The following MAMLD1 variants were observed in gnomAD, a reference collection of about 807,000 sequenced individuals.
MAMLD1 encodes mastermind like domain containing 1, also known as mastermind-like domain-containing protein 1.
A neutral mutation model predicts 45.0 loss-of-function variants in MAMLD1; 14 were observed. The observed-to-expected ratio is 0.31, with a 90% confidence interval of 0.21 to 0.49. The LOEUF is 0.49. Ranked by LOEUF, MAMLD1 falls within the 20% of genes least tolerant of loss-of-function variation. The pLI is 0.99. For missense variants in MAMLD1, 543 were observed against 603.6 expected, an observed-to-expected ratio of 0.90 and a Z score of 1.05; for synonymous variants, 254 against 247.8, an observed-to-expected ratio of 1.02 and a Z score of -0.24.
chrX:150,488,169 A>G (rs2037054901), intron 5 of MAMLD1, among the ~76,000 whole-genome samples: 1 of 112,352 alleles, frequency 8.9e-6, no homozygotes, highest in African/African-American at 3.2e-5. Context: ...TCCAGTGCCC[A>G]AGGTATCTCT....
At chrX:150,394,076 A>G (rs1426930131) in intron 1 of MAMLD1, among the ~76,000 whole-genome samples, 2 of 77,638 alleles carry the variant, frequency 2.6e-5, no homozygotes, top group Non-Finnish European at 5.0e-5. Flanking sequence ...ATTTATGTCT[A>G]TGATTCATTT....
intron 3 of MAMLD1, among the ~76,000 whole-genome samples, chrX:150,467,437 C>A (rs143215152): frequency 8.9e-6 from 1 of 111,961 alleles, no homozygotes; most frequent in East Asian, 2.8e-4. Context: ...CAGTCAGACT[C>A]CTGGGAAAGT....
At chrX:150,373,466 T>A (rs868956481) in intron 1 of MAMLD1, among the ~76,000 whole-genome samples, 132 of 103,163 alleles carry the variant, frequency 1.3e-3, no homozygotes, top group East Asian at 8.4e-3. Context: ...TCTCTCTCTC[T>A]CACACACACA....
At chrX:150,407,318 G>A (rs1210331742) in intron 1 of MAMLD1, among the ~76,000 whole-genome samples, 1 of 111,948 alleles carries the variant, frequency 8.9e-6, no homozygotes, top group Non-Finnish European at 1.9e-5. Context: ...TTCCTGCTAT[G>A]ACTGTAATGT....
intron 1 of MAMLD1, among the ~76,000 whole-genome samples, chrX:150,425,145 A>G (rs2034661176): frequency 8.9e-6 from 1 of 111,892 alleles, no homozygotes; most frequent in Admixed American, 9.5e-5. Context: ...TTACCTGATG[A>G]TAGACATTTG....
rs370987270 is a variant in MAMLD1, at chrX:150,439,979, C to T, written c.-63-5475C>T. The stretch of plus-strand genomic sequence containing the variant: ...AAAAATGGATTTATTTCTGAATTCT[C>T]AAGCCTATTTCATTGGTCTATATGT... On this transcript the variant is annotated intron_variant, in intron 1 of 7. Transcript: ENST00000370401. Among the ~76,000 whole-genome samples, 16 of 111,285 alleles carry T rather than the reference C, an allele frequency of 1.4e-4. No individual in the cohort carries two copies. The South Asian group carries it at 1.9e-3, about 13-fold the overall frequency.
chrX:150,491,562 G>C (rs1468217016), intron 5 of MAMLD1, among the ~76,000 whole-genome samples: 1 of 112,486 alleles, frequency 8.9e-6, no homozygotes, highest in African/African-American at 3.2e-5. Context: ...CTAATGACTA[G>C]AAGGTCTTTT....
chrX:150,481,208 A>G (rs1602964783), intron 5 of MAMLD1, among the ~76,000 whole-genome samples: 1 of 113,013 alleles, frequency 8.8e-6, no homozygotes, highest in East Asian at 2.8e-4. Flanking sequence ...TGATTCCATG[A>G]CCCTTTCCCT....
At chrX:150,423,389 C>T (rs868992375) in intron 1 of MAMLD1, among the ~76,000 whole-genome samples, 2 of 18,922 alleles carry the variant, frequency 1.1e-4, no homozygotes, top group African/African-American at 3.5e-4. Flanking sequence ...TGTGTGTTTG[C>T]ACCTTTGGGG....
Position 150,471,160 on chromosome X carries a change from C to T in MAMLD1, c.1587C>T (p.Ser529=). 8.3e-7 allele frequency: 1 copy of T among 1,211,950 alleles called. No homozygotes were observed. Residue 529 remains serine (S), a synonymous_variant, in exon 4 of 8, where the codon TCC becomes TCT. Transcript: ENST00000370401. Reference sequence around the variant, plus strand: ...TCATGCAGCAGGGGATGGCAAGCTCCAGCCCAGGAGCCACGGAGCCATTTA... The same window carrying T: ...TCATGCAGCAGGGGATGGCAAGCTCTAGCCCAGGAGCCACGGAGCCATTTA... ...SMIMQQGMAS[S]SPGATEPFTF...
At chrX:150,485,088 A>C (rs1250532802) in intron 5 of MAMLD1, among the ~76,000 whole-genome samples, 2 of 110,940 alleles carry the variant, frequency 1.8e-5, no homozygotes, top group African/African-American at 6.6e-5. Flanking sequence ...GTAGAGAGGA[A>C]AGCTCCTCTT....
At chrX:150,412,096 A>G (rs2034137161) in intron 1 of MAMLD1, among the ~76,000 whole-genome samples, 1 of 112,114 alleles carries the variant, frequency 8.9e-6, no homozygotes, top group Admixed American at 9.4e-5. Flanking sequence ...ACTTATTAAG[A>G]AGAGAGAAGT....
At chrX:150,387,755 T>G (rs947751903) in intron 1 of MAMLD1, among the ~76,000 whole-genome samples, 2 of 112,017 alleles carry the variant, frequency 1.8e-5, no homozygotes, top group East Asian at 5.6e-4. Flanking sequence ...GGATGTTAAA[T>G]TTGCTAAATG....
At chrX:150,452,387 C>G (rs1014355702) in intron 2 of MAMLD1, among the ~76,000 whole-genome samples, 2 of 111,162 alleles carry the variant, frequency 1.8e-5, no homozygotes, top group African/African-American at 6.6e-5. Flanking sequence ...ATGCATAGAC[C>G]TAACATGGCA....
chrX:150,486,011 A>G (rs782595100), intron 5 of MAMLD1, among the ~76,000 whole-genome samples: 19 of 112,131 alleles, frequency 1.7e-4, no homozygotes, highest in African/African-American at 6.2e-4. Flanking sequence ...GGATGTTTTC[A>G]GTCCCAATTA....
At chrX:150,492,233 C>T (rs181055665) in intron 5 of MAMLD1, among the ~76,000 whole-genome samples, 7 of 112,740 alleles carry the variant, frequency 6.2e-5, no homozygotes, top group Admixed American at 5.6e-4. Context: ...GTCTGGAGAG[C>T]GAGGCACCAA....
At chrX:150,376,714 A>G (rs781965720) in intron 1 of MAMLD1, among the ~76,000 whole-genome samples, 1 of 111,497 alleles carries the variant, frequency 9.0e-6, no homozygotes, top group South Asian at 3.8e-4. Flanking sequence ...GTTAACAGTA[A>G]ATATTTAATT....
At chrX:150,502,204 G>A (rs1449749480) in intron 5 of MAMLD1, among the ~76,000 whole-genome samples, 1 of 113,009 alleles carries the variant, frequency 8.8e-6, no homozygotes, top group Non-Finnish European at 1.9e-5. Flanking sequence ...TAGGTGCTTA[G>A]TAAGTGTTTA....
chrX:150,394,202 C>A (rs1330911113), intron 1 of MAMLD1, among the ~76,000 whole-genome samples: 2 of 69,256 alleles, frequency 2.9e-5, no homozygotes, highest in Non-Finnish European at 5.0e-5. Flanking sequence ...AACAGACTAT[C>A]TTTGCTCCAT....
Sources: gnomAD v4.1 joint callset for allele counts (sites outside exome capture counted in the v4.1 genomes callset) on GRCh38, gnomAD v4.1.1 for gene constraint, MANE v1.5 for transcripts, NCBI Gene and HGNC (gene_info 2026-07-23, HGNC 2026-07-21) for gene names.